FYTTD1: variants seen among roughly 807,000 people sequenced by gnomAD.
FYTTD1 encodes the protein UAP56-interacting factor.
Under a neutral mutation model 40.9 loss-of-function variants are expected in FYTTD1, and 22 were observed. The ratio of observed to expected loss-of-function variants is 0.54; its 90% CI spans 0.38 to 0.77. The LOEUF (loss-of-function observed/expected upper bound fraction) is 0.77. Ranked by LOEUF, FYTTD1 falls within the 30% of genes least tolerant of loss-of-function variation. The pLI is 0.00. For missense variants in FYTTD1, 351 were observed against 392.2 expected, an observed-to-expected ratio of 0.90 and a Z score of 0.89; for synonymous variants, 140 against 137.9, an observed-to-expected ratio of 1.01 and a Z score of -0.10.
At chr3:197,780,802 C>G (rs954390939) in intron 8 of FYTTD1, among the ~76,000 whole-genome samples, 1 of 151,932 alleles carries the variant, frequency 6.6e-6, no homozygotes, top group Non-Finnish European at 1.5e-5. Context: ...CTTGGCCTCC[C>G]AAAGTGCTGG....
upstream of FYTTD1, chr3:197,749,639 TAA>T: frequency 1.1e-6 from 1 of 939,378 alleles, no homozygotes; most frequent in Non-Finnish European, 1.5e-6. Context: ...ACTGAAGGCA[TAA>T]GATTCAGAGG....
chr3:197,781,940 ACT>A lies in FYTTD1; in HGVS notation c.*34_*35del. 7.2e-7 allele frequency: 1 copy of A among 1,398,084 alleles called. No individual in the cohort carries two copies. Among genetic ancestry groups the A allele is most frequent in the Non-Finnish European group, 9.9e-7 (1 of 1,013,256 alleles). 86.6% of individuals were successfully genotyped at this position (1,398,084 alleles called of 1,614,324 possible). ...ATGTCAAAGGAACTTTTGAGTGATG[ACT>A]CTGAGAAGTTGAATTGCTTGAAGAG... On this transcript the variant is annotated 3_prime_UTR_variant, in exon 9 of 9. Coordinates refer to ENST00000241502, the MANE Select transcript of FYTTD1 (RefSeq NM_032288.7).
chr3:197,778,533 T>C, intron 8 of FYTTD1, 69 bp downstream of exon 8: 1 of 1,093,938 alleles, frequency 9.1e-7, no homozygotes, highest in Non-Finnish European at 1.3e-6. Flanking sequence ...GTATTTATTA[T>C]AATAGTGAAT....
intron 2 of FYTTD1, among the ~76,000 whole-genome samples, chr3:197,764,704 G>T (rs1304092240): frequency 2.7e-5 from 1 of 37,200 alleles, no homozygotes; most frequent in Admixed American, 4.2e-4. Context: ...GCGAGAGTCC[G>T]TCCCAAAAAA....
At position 197,776,938 on chromosome 3, in the gene FYTTD1, C is replaced by A; in HGVS notation, c.668C>A (p.Ser223Tyr). ...VAKRTRQWRT[S>Y]TTNGGILTVS... ...TTTTTTGAAACTAGATGGCGGACTT[C>A]CACCACAAATGGAGGGATTTTGACT... Residue 223 changes from serine (S) to tyrosine (Y), a missense_variant, in exon 7 of 9, where the codon TCC becomes TAC. By Grantham distance (144) the Ser-to-Tyr change is moderately radical. Transcript: ENST00000241502. The A allele has an allele frequency of 6.2e-7, 1 of 1,607,654 alleles. No individual in the cohort carries two copies.
At chr3:197,764,004 G>A (rs556521763) in intron 2 of FYTTD1, among the ~76,000 whole-genome samples, 13 of 152,258 alleles carry the variant, frequency 8.5e-5, no homozygotes, top group African/African-American at 1.4e-4. Flanking sequence ...GGGCTTGGAG[G>A]ATTTTTTTTA....
intron 8 of FYTTD1, among the ~76,000 whole-genome samples, chr3:197,780,305 A>G (rs1729995652): frequency 6.6e-6 from 1 of 152,054 alleles, no homozygotes; most frequent in African/African-American, 2.4e-5. Context: ...CCTAAGCTCA[A>G]GCCACCGCCT....
chr3:197,778,235 C>G, intron 7 of FYTTD1, 103 bp from the exon 8 acceptor site: 1 of 793,840 alleles, frequency 1.3e-6, no homozygotes, highest in Non-Finnish European at 1.9e-6. Flanking sequence ...ATAAAATGGC[C>G]CTAATACATT....
At chr3:197,781,547 T>G (rs1320699232) in intron 8 of FYTTD1, among the ~76,000 whole-genome samples, 1 of 152,178 alleles carries the variant, frequency 6.6e-6, no homozygotes, top group Admixed American at 6.6e-5. Flanking sequence ...CATCATGAGT[T>G]GGTGGCAGTG....
intron 1 of FYTTD1, among the ~76,000 whole-genome samples, chr3:197,752,195 A>C (rs2109033922): frequency 6.6e-6 from 1 of 152,252 alleles, no homozygotes; most frequent in Non-Finnish European, 1.5e-5. Flanking sequence ...GTTTATCCTC[A>C]TGATAAGTCT....
intron 2 of FYTTD1, among the ~76,000 whole-genome samples, chr3:197,759,490 C>G (rs1175098957): frequency 7.1e-6 from 1 of 140,098 alleles, no homozygotes; most frequent in Non-Finnish European, 1.5e-5. Context: ...GGAGTTGTTC[C>G]TCAGTGGTAG....
At chr3:197,757,665 C>G (rs1729250233) in intron 2 of FYTTD1, among the ~76,000 whole-genome samples, 1 of 152,160 alleles carries the variant, frequency 6.6e-6, no homozygotes, top group Non-Finnish European at 1.5e-5. Context: ...GTCCCAGCCA[C>G]TCAGGAGTTT....
intron 2 of FYTTD1, among the ~76,000 whole-genome samples, chr3:197,766,618 T>C (rs1729558471): frequency 6.6e-6 from 1 of 151,960 alleles, no homozygotes. Context: ...AATTTTTGTA[T>C]TTTTTCTAGA....
intron 4 of FYTTD1, among the ~76,000 whole-genome samples, chr3:197,771,865 G>C (rs1012933521): frequency 2.6e-5 from 4 of 151,770 alleles, no homozygotes; most frequent in African/African-American, 9.7e-5. Context: ...AGGCCGCTGC[G>C]TGTGGATCAC....
intron 2 of FYTTD1, among the ~76,000 whole-genome samples, chr3:197,757,116 C>T (rs918739596): frequency 2.0e-5 from 3 of 152,196 alleles, no homozygotes; most frequent in Non-Finnish European, 4.4e-5. Context: ...ATCTTATCAT[C>T]CAAGAACTTT....
chr3:197,764,960 A>C (rs578192819), intron 2 of FYTTD1, among the ~76,000 whole-genome samples: 141 of 150,626 alleles, frequency 9.4e-4, no homozygotes, highest in Non-Finnish European at 1.8e-3. Flanking sequence ...AGCGATTCTC[A>C]TGCCTCAGCC....
intron 8 of FYTTD1, among the ~76,000 whole-genome samples, chr3:197,780,092 C>T (rs1310909762): frequency 6.9e-6 from 1 of 144,986 alleles, no homozygotes; most frequent in Non-Finnish European, 1.5e-5. Context: ...GATACAGGCA[C>T]ACACACCACC....
chr3:197,776,330 G>C (rs1008021388), intron 6 of FYTTD1, among the ~76,000 whole-genome samples: 1 of 149,466 alleles, frequency 6.7e-6, no homozygotes, highest in African/African-American at 2.5e-5. Context: ...TCAGCCTCCT[G>C]AGTAGCTGGG....
chr3:197,752,494 T>C (rs1395723637), intron 1 of FYTTD1, among the ~76,000 whole-genome samples: 2 of 152,160 alleles, frequency 1.3e-5, no homozygotes, highest in African/African-American at 4.8e-5. Flanking sequence ...ATGCTTTTAT[T>C]TTTATACATA....
Sources: gnomAD v4.1 joint callset for allele counts (sites outside exome capture counted in the v4.1 genomes callset) on GRCh38, gnomAD v4.1.1 for gene constraint, MANE v1.5 for transcripts, NCBI Gene and HGNC (gene_info 2026-07-23, HGNC 2026-07-21) for gene names.